The following DIAPH3 variants were observed in gnomAD, a reference collection of about 807,000 sequenced individuals.
DIAPH3 encodes protein diaphanous homolog 3.
A neutral mutation model predicts 144.3 loss-of-function variants in DIAPH3; 117 were observed. That is an observed-to-expected ratio of 0.81 (90% confidence interval 0.70 to 0.95). DIAPH3 has a LOEUF of 0.95. DIAPH3 is among the 40% of genes least tolerant of loss of function. DIAPH3 has a pLI of 0.00. For synonymous variants in DIAPH3, 519 were observed against 488.9 expected, an observed-to-expected ratio of 1.06 and a Z score of -0.81; for missense variants, 1,421 against 1,412.7, an observed-to-expected ratio of 1.01 and a Z score of -0.09.
At chr13:60,162,809 T>TCACACACACACA (rs35687460) in intron 1 of DIAPH3, among the ~76,000 whole-genome samples, 9 of 122,518 alleles carry the variant, frequency 7.3e-5, no homozygotes, top group Middle Eastern at 3.9e-3. Context: ...TCTCTCTCTC[T>TCACACACACACA]CACACACACA....
chr13:60,134,176 A>G (rs1388482895), intron 1 of DIAPH3, among the ~76,000 whole-genome samples: 2 of 152,214 alleles, frequency 1.3e-5, no homozygotes, highest in African/African-American at 4.8e-5. Context: ...TACCAAAGAA[A>G]ATGTAGCCAA....
At chr13:59,881,396 A>T (rs1014131543) in intron 20 of DIAPH3, among the ~76,000 whole-genome samples, 32 of 152,124 alleles carry the variant, frequency 2.1e-4, no homozygotes, top group African/African-American at 7.5e-4. Flanking sequence ...ATTATTCATG[A>T]TTATGAAGCC....
intron 1 of DIAPH3, among the ~76,000 whole-genome samples, chr13:60,139,213 T>C (rs2046083996): frequency 6.6e-6 from 1 of 152,144 alleles, no homozygotes; most frequent in South Asian, 2.1e-4. Context: ...CCAAAAATAA[T>C]ACTGAAGCTT....
intron 13 of DIAPH3, among the ~76,000 whole-genome samples, chr13:59,982,395 T>C (rs2051074246): frequency 1.3e-5 from 2 of 151,448 alleles, no homozygotes. Flanking sequence ...ACCATTTTCT[T>C]AATTTCTGCT....
In DIAPH3 at chr13:59,747,721, C is replaced by A. The variant is rs549321869; in HGVS notation, c.3319+26468G>T. 2.0e-5 allele frequency among the ~76,000 whole-genome samples: 3 copies of A among 152,274 alleles called. No individual in the cohort carries two copies. The South Asian group carries it at 6.2e-4, about 32-fold the overall frequency. On this transcript the variant is annotated intron_variant, in intron 27 of 27. Coordinates refer to ENST00000400324, the MANE Select transcript of DIAPH3 (RefSeq NM_001042517.2). ...TAGAGGCACTCTCTCCTCAAGGGGG[C>A]AATGTGTCAAATTTGAATGACATCT... is the stretch of plus-strand genomic sequence containing the variant.
intron 27 of DIAPH3, chr13:59,696,293 A>T (rs2033796982): frequency 6.6e-6 from 1 of 152,222 alleles, no homozygotes. Context: ...TGAACATTAA[A>T]CAACAGATGG....
chr13:60,046,951 A>T (rs1163721536), intron 4 of DIAPH3, among the ~76,000 whole-genome samples: 1 of 151,880 alleles, frequency 6.6e-6, no homozygotes, highest in Non-Finnish European at 1.5e-5. Context: ...AGGGAGGGGA[A>T]CTTCACATAC....
At chr13:59,903,193 T>A (rs1376167235) in intron 20 of DIAPH3, among the ~76,000 whole-genome samples, 3 of 152,210 alleles carry the variant, frequency 2.0e-5, no homozygotes, top group African/African-American at 7.2e-5. Flanking sequence ...TAACTGTATG[T>A]CTTTGTTAGG....
At chr13:59,712,062 C>G (rs2034775590) in intron 27 of DIAPH3, among the ~76,000 whole-genome samples, 1 of 152,102 alleles carries the variant, frequency 6.6e-6, no homozygotes, top group Non-Finnish European at 1.5e-5. Flanking sequence ...CCACTGAAAT[C>G]AAGGACCAGA....
chr13:59,927,923 T>TC (rs1227090628), intron 17 of DIAPH3, among the ~76,000 whole-genome samples: 1 of 152,208 alleles, frequency 6.6e-6, no homozygotes, highest in East Asian at 1.9e-4. Context: ...GATGTCTATT[T>TC]CTTTCCCAAG....
chr13:59,933,664 C>T (rs2140342906), intron 17 of DIAPH3, among the ~76,000 whole-genome samples: 1 of 152,146 alleles, frequency 6.6e-6, no homozygotes, highest in East Asian at 1.9e-4. Flanking sequence ...TCCATTTTTC[C>T]AAGAGAAGAT....
At chr13:59,958,942 C>G (rs1157771197) in intron 17 of DIAPH3, among the ~76,000 whole-genome samples, 2 of 137,624 alleles carry the variant, frequency 1.5e-5, no homozygotes, top group Non-Finnish European at 3.0e-5. Context: ...ATGGCACGAT[C>G]TCGGCTCACT....
rs534026017 is a variant in DIAPH3 at position 59,666,567 on chromosome 13, T to G, written c.*17A>C. On this transcript the variant is annotated 3_prime_UTR_variant, in exon 28 of 28. Coordinates refer to ENST00000400324, the MANE Select transcript of DIAPH3 (RefSeq NM_001042517.2). The stretch of plus-strand genomic sequence containing the variant: ...TTTATATTTGGCTTAATCATTTTTT[T>G]TAAAAACCAGTTTAACTTATAAAGC... The G allele has an allele frequency of 6.2e-7, 1 of 1,613,616 alleles. No individual in the cohort carries two copies. Among genetic ancestry groups the G allele is most frequent in the African/African-American group, 1.3e-5 (1 of 74,910 alleles).
At chr13:59,712,196 T>C (rs1412172850) in intron 27 of DIAPH3, among the ~76,000 whole-genome samples, 1 of 152,170 alleles carries the variant, frequency 6.6e-6, no homozygotes, top group Non-Finnish European at 1.5e-5. Flanking sequence ...AGGCAGAAGA[T>C]ACATCATTAG....
At chr13:60,115,513 T>A (rs1594706599) in intron 2 of DIAPH3, among the ~76,000 whole-genome samples, 1 of 152,196 alleles carries the variant, frequency 6.6e-6, no homozygotes, top group East Asian at 1.9e-4. Flanking sequence ...CAGAGGTGAC[T>A]ACAACATTAA....
intron 22 of DIAPH3, among the ~76,000 whole-genome samples, chr13:59,857,627 G>C (rs1362243378): frequency 6.6e-6 from 1 of 152,072 alleles, no homozygotes; most frequent in African/African-American, 2.4e-5. Context: ...GCTGTCCCAG[G>C]AATAATCCCT....
chr13:59,777,050 C>T (rs981290995), intron 25 of DIAPH3, among the ~76,000 whole-genome samples: 1 of 152,170 alleles, frequency 6.6e-6, no homozygotes, highest in African/African-American at 2.4e-5. Context: ...TTTCTAATGA[C>T]CTCTCTCGCC....
chr13:59,735,700 A>C (rs1335771977), intron 27 of DIAPH3, among the ~76,000 whole-genome samples: 1 of 152,202 alleles, frequency 6.6e-6, no homozygotes, highest in Non-Finnish European at 1.5e-5. Context: ...ACTTATAAAA[A>C]TAAAGGCACG....
chr13:60,128,202 C>T (rs537748320), intron 2 of DIAPH3, among the ~76,000 whole-genome samples: 1 of 152,168 alleles, frequency 6.6e-6, no homozygotes, highest in South Asian at 2.1e-4. Context: ...AGGATAATGG[C>T]CTCCAGCTCC....
Sources: gnomAD v4.1 joint callset for allele counts (sites outside exome capture counted in the v4.1 genomes callset) on GRCh38, gnomAD v4.1.1 for gene constraint, MANE v1.5 for transcripts, NCBI Gene and HGNC (gene_info 2026-07-23, HGNC 2026-07-21) for gene names.